The following TEX14 variants were observed in gnomAD, a reference collection of about 807,000 sequenced individuals.
TEX14 encodes the protein inactive serine/threonine-protein kinase TEX14.
A neutral mutation model predicts 178.6 loss-of-function variants in TEX14; 168 were observed. The observed-to-expected ratio is 0.94, with a 90% CI of 0.83 to 1.07. The LOEUF (loss-of-function observed/expected upper bound fraction) is 1.07, where lower values mean the gene tolerates loss of function less well. Ranked by LOEUF, TEX14 falls within the 50% of genes least tolerant of loss-of-function variation. The pLI, the probability that TEX14 is intolerant of heterozygous loss-of-function variation, is 0.00. For missense variants in TEX14, 1,730 were observed against 1,753.6 expected (o/e 0.99, Z 0.24); for synonymous variants, 626 against 634.1 (o/e 0.99, Z 0.19).
chr17:58,619,228 G>C (rs1384186127), intron 5 of TEX14, among the ~76,000 whole-genome samples: 1 of 152,168 alleles, frequency 6.6e-6, no homozygotes, highest in Non-Finnish European at 1.5e-5. Context: ...AAGCAAAAGA[G>C]CCGAGTGTTC....
chr17:58,603,694 A>T (rs1168646372), intron 11 of TEX14, among the ~76,000 whole-genome samples: 1 of 151,826 alleles, frequency 6.6e-6, no homozygotes, highest in Non-Finnish European at 1.5e-5. Flanking sequence ...CTGTACTAAA[A>T]ATAGAAAAAA....
chr17:58,561,678 A>G (rs557480142), intron 28 of TEX14, 66 bp from the exon 29 acceptor site: 17 of 1,081,206 alleles, frequency 1.6e-5, no homozygotes, highest in East Asian at 7.1e-5. Context: ...ACAAAGATGC[A>G]TAACACTTTA....
chr17:58,627,906 A>C (rs1355873489), intron 3 of TEX14, among the ~76,000 whole-genome samples: 4 of 140,492 alleles, frequency 2.8e-5, no homozygotes, highest in African/African-American at 1.1e-4. Context: ...GCCAGCCCCC[A>C]TGCCACCTTT....
intron 1 of TEX14, chr17:58,661,213 G>A (rs754702037): frequency 2.5e-6 from 2 of 797,620 alleles, no homozygotes; most frequent in South Asian, 2.7e-5. Flanking sequence ...TCTTGGTTTG[G>A]GGCAGCTCAA....
rs770691907 is a variant in TEX14, at chr17:58,559,525, T to C, written c.4195A>G (p.Lys1399Glu). The C allele has an allele frequency of 5.7e-6, 9 of 1,579,662 alleles. No homozygotes were observed. Among genetic ancestry groups the C allele is most frequent in the Non-Finnish European group, 7.8e-6 (9 of 1,149,912 alleles). ...GTAATGCTATCTTCCCTTTTTCTTT[T>C]CTCTTCACCAACTTTTTGATCTTTG... is the stretch of plus-strand genomic sequence containing the variant. ...NIKDQKVGEE[K>E]RKREDSITPE... The change falls in exon 30 of 32, where the codon AAA (lysine) becomes GAA (glutamate). Residue 1399 changes from lysine (K) to glutamate (E), a missense_variant. Lys to Glu is a moderately conservative substitution (Grantham distance 56). This residue lies in a region of TEX14 where 941 missense variants were observed against 1,072.4 expected (regional missense o/e 0.88). Coordinates refer to ENST00000349033, the MANE Select transcript of TEX14 (RefSeq NM_031272.5).
At chr17:58,563,687 AGAGAGAGAGAGAGAGC>A (rs549169525) in intron 28 of TEX14, among the ~76,000 whole-genome samples, 10,352 of 87,090 alleles carry the variant, frequency 0.12, 969 homozygotes, top group East Asian at 0.15. Flanking sequence ...AGAGAGAGAG[AGAGAGAGAGAGAGAGC>A]GCAAGATCAT....
chr17:58,642,195 T>C (rs550774112), intron 2 of TEX14, among the ~76,000 whole-genome samples: 23 of 152,376 alleles, frequency 1.5e-4, no homozygotes, highest in African/African-American at 4.8e-4. Flanking sequence ...GCAATTGTTT[T>C]AGTCACTTAA....
At chr17:58,604,138 C>T (rs2045548199) in intron 11 of TEX14, among the ~76,000 whole-genome samples, 1 of 151,718 alleles carries the variant, frequency 6.6e-6, no homozygotes, top group African/African-American at 2.4e-5. Context: ...CAAGGGATAC[C>T]ACACATAGAT....
intron 1 of TEX14, among the ~76,000 whole-genome samples, chr17:58,690,303 A>C (rs1393914741): frequency 2.0e-5 from 3 of 152,052 alleles, no homozygotes; most frequent in Non-Finnish European, 2.9e-5. Context: ...AGTAGCTGGG[A>C]CTAGAGGCAT....
intron 1 of TEX14, chr17:58,661,818 T>A (rs2047118165): frequency 2.1e-6 from 1 of 485,014 alleles, no homozygotes; most frequent in Non-Finnish European, 3.6e-6. Context: ...TTTGTCTCTC[T>A]GTTTCCGTTT....
intron 2 of TEX14, among the ~76,000 whole-genome samples, chr17:58,647,489 G>T (rs560956737): frequency 4.8e-4 from 73 of 151,172 alleles, no homozygotes; most frequent in African/African-American, 1.7e-3. Context: ...CTGAGATCGC[G>T]TCACTGCACT....
At chr17:58,654,477 G>T (rs1471965477) in intron 1 of TEX14, among the ~76,000 whole-genome samples, 5 of 146,368 alleles carry the variant, frequency 3.4e-5, no homozygotes, top group African/African-American at 5.0e-5. Flanking sequence ...ATGTATAGAA[G>T]CTTTGGAAAA....
At chr17:58,600,573 AAGT>A (rs915216394) in intron 13 of TEX14, among the ~76,000 whole-genome samples, 1 of 151,786 alleles carries the variant, frequency 6.6e-6, no homozygotes, top group Non-Finnish European at 1.5e-5. Flanking sequence ...AAAAAAAAAA[AAGT>A]AGCCTAGATA....
At chr17:58,592,568 T>G (rs2045177425) in intron 15 of TEX14, among the ~76,000 whole-genome samples, 1 of 151,692 alleles carries the variant, frequency 6.6e-6, no homozygotes. Flanking sequence ...TCTCCTGACC[T>G]CGTGATCTGC....
chr17:58,662,201 C>T (rs2047126490), intron 1 of TEX14, among the ~76,000 whole-genome samples: 2 of 151,188 alleles, frequency 1.3e-5, no homozygotes, highest in Non-Finnish European at 3.0e-5. Flanking sequence ...CCTGTAATCC[C>T]CCACTTTGGG....
chr17:58,567,413 G>C (rs946773771), intron 26 of TEX14, among the ~76,000 whole-genome samples: 28 of 151,904 alleles, frequency 1.8e-4, no homozygotes, highest in African/African-American at 9.7e-5. Flanking sequence ...GGGTGTCAAG[G>C]GTCCCCATAA....
At chr17:58,667,970 C>T (rs182635802) in intron 1 of TEX14, among the ~76,000 whole-genome samples, 1 of 152,110 alleles carries the variant, frequency 6.6e-6, no homozygotes, top group African/African-American at 2.4e-5. Context: ...TCTCATAGGC[C>T]AGTCTGTGCA....
chr17:58,674,141 T>G (rs1180086448), intron 1 of TEX14, among the ~76,000 whole-genome samples: 1 of 151,888 alleles, frequency 6.6e-6, no homozygotes, highest in East Asian at 1.9e-4. Context: ...CTGGGTGTGG[T>G]GGCATGCGCC....
intron 1 of TEX14, among the ~76,000 whole-genome samples, chr17:58,688,485 G>C (rs1272885303): frequency 6.6e-6 from 1 of 152,132 alleles, no homozygotes; most frequent in East Asian, 1.9e-4. Flanking sequence ...ATTCTATAAG[G>C]ATTTATTCCA....
Sources: gnomAD v4.1 joint callset for allele counts (sites outside exome capture counted in the v4.1 genomes callset) on GRCh38, gnomAD v4.1.1 for gene constraint, gnomAD v4.1.1 regional missense constraint, MANE v1.5 for transcripts, NCBI Gene and HGNC (gene_info 2026-07-23, HGNC 2026-07-21) for gene names.